Variants in SCD5 observed in about 807,000 individuals in gnomAD.
The protein encoded by SCD5 is acyl-CoA-desaturase 4.
SCD5 carries 20 observed loss-of-function variants against 30.4 expected under a neutral mutation model. The observed-to-expected ratio is 0.66, with a 90% confidence interval of 0.46 to 0.96. The LOEUF (loss-of-function observed/expected upper bound fraction) is 0.96. Ranked by LOEUF, SCD5 falls within the 40% of genes least tolerant of loss-of-function variation. The probability of loss-of-function intolerance (pLI) is 0.00; values close to 1 mark genes in which losing one functional copy is unlikely to be tolerated. For synonymous variants in SCD5, 173 were observed against 176.4 expected (o/e 0.98, Z 0.16); for missense variants, 381 against 443.3 (o/e 0.86, Z 1.26).
At chr4:82,774,192 G>T (rs1721689829) in intron 1 of SCD5, among the ~76,000 whole-genome samples, 2 of 151,332 alleles carry the variant, frequency 1.3e-5, no homozygotes, top group Non-Finnish European at 2.9e-5. Context: ...AAGCTACAAG[G>T]ATGTAGCCTG....
At chr4:82,783,601 C>G (rs111463529) in intron 1 of SCD5, among the ~76,000 whole-genome samples, 113 of 152,100 alleles carry the variant, frequency 7.4e-4, no homozygotes, top group African/African-American at 2.5e-3. Flanking sequence ...GGTCGGAGGT[C>G]GAGACCAGCC....
chr4:82,712,277 TATATATATATA>T (rs1720118298), intron 1 of SCD5, among the ~76,000 whole-genome samples: 1 of 48,962 alleles, frequency 2.0e-5, no homozygotes, highest in African/African-American at 1.1e-4. Flanking sequence ...TATATATATA[TATATATATATA>T]TATATATATT....
intron 1 of SCD5, among the ~76,000 whole-genome samples, chr4:82,737,588 A>G (rs1392828066): frequency 6.6e-6 from 1 of 152,198 alleles, no homozygotes; most frequent in Non-Finnish European, 1.5e-5. Context: ...CTGATTTTTA[A>G]GTTCCCCAGC....
intron 1 of SCD5, among the ~76,000 whole-genome samples, chr4:82,763,687 T>A (rs2148846589): frequency 6.6e-6 from 1 of 152,300 alleles, no homozygotes; most frequent in African/African-American, 2.4e-5. Context: ...AGGGCAGACA[T>A]CTGCAAGCCA....
intron 1 of SCD5, among the ~76,000 whole-genome samples, chr4:82,741,853 C>CGGGGGGGGGGGG (rs34875819): frequency 2.2e-5 from 1 of 45,424 alleles, no homozygotes; most frequent in Non-Finnish European, 4.6e-5. Flanking sequence ...TCAGAGTGGG[C>CGGGGGGGGGGGG]GGGGGGGGGG....
intron 1 of SCD5, among the ~76,000 whole-genome samples, chr4:82,714,316 T>G (rs1375581725): frequency 2.0e-5 from 3 of 152,136 alleles, no homozygotes; most frequent in African/African-American, 7.2e-5. Context: ...ACCCACTCAA[T>G]CAGGTTTTGG....
At chr4:82,685,547 G>A (rs979422754) in intron 2 of SCD5, among the ~76,000 whole-genome samples, 2 of 151,550 alleles carry the variant, frequency 1.3e-5, no homozygotes, top group Non-Finnish European at 2.9e-5. Flanking sequence ...ACCCCATCTC[G>A]ACTAAAAATA....
intron 1 of SCD5, among the ~76,000 whole-genome samples, chr4:82,738,210 A>G (rs866254953): frequency 3.2e-4 from 48 of 152,182 alleles, no homozygotes; most frequent in African/African-American, 1.2e-3. Context: ...CACGAGGTCA[A>G]GAGACGGAGA....
chr4:82,782,983 G>C (rs35040120), intron 1 of SCD5, among the ~76,000 whole-genome samples: 1 of 152,036 alleles, frequency 6.6e-6, no homozygotes, highest in East Asian at 1.9e-4. Context: ...CACCTGCTTC[G>C]GGGCCTGAAT....
intron 1 of SCD5, among the ~76,000 whole-genome samples, chr4:82,750,892 T>A (rs1721087889): frequency 6.6e-6 from 1 of 152,098 alleles, no homozygotes; most frequent in Non-Finnish European, 1.5e-5. Context: ...TTTCCCAGAG[T>A]TCCCCAACTA....
At chr4:82,633,667 T>C (rs892483839) in intron 4 of SCD5, among the ~76,000 whole-genome samples, 4 of 152,256 alleles carry the variant, frequency 2.6e-5, no homozygotes, top group Non-Finnish European at 4.4e-5. Context: ...CTTCTGATAA[T>C]AGTCATTCAA....
chr4:82,788,961 C>G (rs2148853693), intron 1 of SCD5, among the ~76,000 whole-genome samples: 1 of 152,278 alleles, frequency 6.6e-6, no homozygotes, highest in South Asian at 2.1e-4. Context: ...GATTTTTTAT[C>G]AGTGAAATTA....
rs75025667 is a variant in SCD5, at chr4:82,636,670, G to A, written c.723C>T (p.Ala241=). 921 of 1,614,206 alleles carry A rather than the reference G, an allele frequency of 5.7e-4. 4 individuals are homozygous for A. In the African/African-American group the frequency reaches 8.3e-3, roughly 14 times the overall value. ...AGGGCCGGTTTCCATACATGTGGGC[G>A]GCGCTGTTGACCAGCCAGCTGATGT... ...SLNISWLVNS[A]AHMYGNRPYD... is the part of the protein sequence containing the mutation. Residue 241 remains alanine, a synonymous_variant, in exon 4 of 5, where the codon GCC becomes GCT. Coordinates refer to ENST00000319540, the MANE Select transcript of SCD5 (RefSeq NM_001037582.3).
intron 1 of SCD5, among the ~76,000 whole-genome samples, chr4:82,730,388 CCGGGTT>C (rs1382367967): frequency 2.0e-5 from 3 of 150,470 alleles, no homozygotes; most frequent in African/African-American, 7.3e-5. Context: ...CCTCCGCTTC[CCGGGTT>C]CAAGCAATTC....
intron 1 of SCD5, among the ~76,000 whole-genome samples, chr4:82,733,519 G>A (rs1424718508): frequency 6.6e-6 from 1 of 152,144 alleles, no homozygotes; most frequent in African/African-American, 2.4e-5. Context: ...ATATGCATAA[G>A]TGTGCCTGAT....
intron 2 of SCD5, among the ~76,000 whole-genome samples, chr4:82,682,225 C>A (rs1438406857): frequency 6.6e-6 from 1 of 152,174 alleles, no homozygotes; most frequent in Non-Finnish European, 1.5e-5. Context: ...TGAAGTAGGG[C>A]TCAGTGCATG....
At chr4:82,671,489 A>G (rs905293897) in intron 3 of SCD5, among the ~76,000 whole-genome samples, 1 of 152,162 alleles carries the variant, frequency 6.6e-6, no homozygotes, top group Non-Finnish European at 1.5e-5. Flanking sequence ...GCACATTCTG[A>G]GCCATAAAAA....
intron 3 of SCD5, among the ~76,000 whole-genome samples, chr4:82,673,913 C>A (rs1054762694): frequency 6.6e-6 from 1 of 152,108 alleles, no homozygotes. Flanking sequence ...AAAAGGTAGT[C>A]TTTTTAACAA....
intron 1 of SCD5, among the ~76,000 whole-genome samples, chr4:82,761,505 T>A (rs1206976059): frequency 1.3e-5 from 2 of 152,162 alleles, no homozygotes; most frequent in Non-Finnish European, 2.9e-5. Context: ...CACCCTAACT[T>A]CTTTTACAGC....
Sources: allele counts gnomAD v4.1 joint callset (sites outside exome capture counted in the v4.1 genomes callset), GRCh38; gene constraint gnomAD v4.1.1; transcripts MANE v1.5; gene names NCBI Gene and HGNC (gene_info 2026-07-23, HGNC 2026-07-21).